The following TMPRSS15 variants were observed in gnomAD, a reference collection of about 807,000 sequenced individuals.
TMPRSS15 encodes the protein transmembrane serine protease 15, also known as enteropeptidase.
Under a neutral mutation model 125.3 loss-of-function variants are expected in TMPRSS15, and 128 were observed. That is an observed-to-expected ratio of 1.02 (90% CI 0.89 to 1.18). The LOEUF (loss-of-function observed/expected upper bound fraction) is 1.18, where lower values mean the gene tolerates loss of function less well. TMPRSS15 is among the 50% of genes most tolerant of loss of function. The pLI is 0.00. For synonymous variants in TMPRSS15, 446 were observed against 423.2 expected (o/e 1.05, Z -0.66); for missense variants, 1,283 against 1,212.7 (o/e 1.06, Z -0.86).
intron 1 of TMPRSS15, among the ~76,000 whole-genome samples, chr21:18,457,867 G>A (rs1978472316): frequency 6.6e-6 from 1 of 152,062 alleles, no homozygotes; most frequent in African/African-American, 2.4e-5. Flanking sequence ...AAATTCTGTG[G>A]CCTGAGCACT....
intron 8 of TMPRSS15, among the ~76,000 whole-genome samples, chr21:18,358,403 T>C (rs1450935389): frequency 1.3e-5 from 2 of 152,016 alleles, no homozygotes; most frequent in East Asian, 3.9e-4. Context: ...AATGTCACAT[T>C]AGTCTTTGGA....
intron 4 of TMPRSS15, among the ~76,000 whole-genome samples, chr21:18,382,365 C>G (rs6517811): frequency 0.99 from 150,327 of 152,262 alleles, 74,230 homozygotes; most frequent in Middle Eastern, 1. Flanking sequence ...CTGTGACATG[C>G]GTCCAAACCA....
intron 3 of TMPRSS15, among the ~76,000 whole-genome samples, chr21:18,397,310 T>C (rs2123121220): frequency 6.6e-6 from 1 of 152,270 alleles, no homozygotes; most frequent in South Asian, 2.1e-4. Context: ...CAAAAGCTAA[T>C]TGTTTAGAAA....
upstream of TMPRSS15, among the ~76,000 whole-genome samples, chr21:18,405,582 A>AT (rs1209612104): frequency 6.6e-6 from 1 of 152,152 alleles, no homozygotes; most frequent in Non-Finnish European, 1.5e-5. Context: ...TTAAGTGCCC[A>AT]TAAGTGTGAT....
At position 18,352,895 on chromosome 21, in the gene TMPRSS15, A is replaced by T. The variant is rs375053347; in HGVS notation, c.1171+8T>A. The T allele has an allele frequency of 1.9e-6, 3 of 1,611,670 alleles. No homozygotes were observed. The African/African-American group carries it at 4.0e-5, about 22-fold the overall frequency. On this transcript the variant is annotated splice_region_variant and intron_variant, in intron 10 of 24. Coordinates refer to ENST00000284885, the MANE Select transcript of TMPRSS15 (RefSeq NM_002772.3). ...ATCCTTTTGACTTCTGAATTAAATGAATTATACCTGAAGCATTGCCAAAAG... is the reference window on the plus strand; with the variant it reads ...ATCCTTTTGACTTCTGAATTAAATGTATTATACCTGAAGCATTGCCAAAAG...
At chr21:18,461,127 C>A (rs1978543399) in intron 1 of TMPRSS15, among the ~76,000 whole-genome samples, 1 of 152,102 alleles carries the variant, frequency 6.6e-6, no homozygotes, top group South Asian at 2.1e-4. Flanking sequence ...CTGACAGTAT[C>A]AAGGAACTGA....
intron 18 of TMPRSS15, among the ~76,000 whole-genome samples, chr21:18,302,390 T>TAA (rs2074982699): frequency 6.6e-6 from 1 of 152,142 alleles, no homozygotes; most frequent in African/African-American, 2.4e-5. Context: ...ACTAGGAAAG[T>TAA]AAAGGCATGT....
chr21:18,433,795 C>T (rs943776523), intron 1 of TMPRSS15, among the ~76,000 whole-genome samples: 1 of 151,194 alleles, frequency 6.6e-6, no homozygotes. Flanking sequence ...TATACATTTT[C>T]CTAAAATGTT....
intron 10 of TMPRSS15, among the ~76,000 whole-genome samples, chr21:18,346,463 G>A (rs919185179): frequency 2.0e-5 from 3 of 152,086 alleles, no homozygotes; most frequent in Admixed American, 6.5e-5. Context: ...ATATTTGTTA[G>A]CTCTACAGAA....
intron 1 of TMPRSS15, among the ~76,000 whole-genome samples, chr21:18,475,805 A>G (rs890386886): frequency 3.3e-5 from 5 of 152,226 alleles, no homozygotes; most frequent in Middle Eastern, 3.2e-3. Flanking sequence ...TAGTACAAAC[A>G]AGGGAGCAAT....
intron 21 of TMPRSS15, among the ~76,000 whole-genome samples, chr21:18,288,141 A>G (rs1416917636): frequency 1.3e-5 from 2 of 152,236 alleles, no homozygotes; most frequent in Non-Finnish European, 2.9e-5. Flanking sequence ...GCAATGAAAT[A>G]CTATTCAGCC....
At chr21:18,381,563 T>A (rs916837500) in intron 4 of TMPRSS15, among the ~76,000 whole-genome samples, 1 of 152,134 alleles carries the variant, frequency 6.6e-6, no homozygotes, top group Non-Finnish European at 1.5e-5. Context: ...AACTTCTACT[T>A]GTTGAGAATA....
intron 1 of TMPRSS15, among the ~76,000 whole-genome samples, chr21:18,437,180 A>C (rs2076229839): frequency 1.3e-5 from 2 of 150,774 alleles, no homozygotes; most frequent in Non-Finnish European, 3.0e-5. Flanking sequence ...GCATATCTAC[A>C]ACTATCTGAT....
At chr21:18,276,602 T>C (rs1357661640) in intron 23 of TMPRSS15, among the ~76,000 whole-genome samples, 1 of 152,146 alleles carries the variant, frequency 6.6e-6, no homozygotes, top group Non-Finnish European at 1.5e-5. Flanking sequence ...GATAAAACTG[T>C]TTGGTAAAGG....
intron 1 of TMPRSS15, among the ~76,000 whole-genome samples, chr21:18,469,665 T>C (rs1214758824): frequency 6.6e-6 from 1 of 152,030 alleles, no homozygotes; most frequent in South Asian, 2.1e-4. Flanking sequence ...TAGATTTTAG[T>C]GGGGAGTTAA....
intron 21 of TMPRSS15, among the ~76,000 whole-genome samples, chr21:18,292,641 G>C (rs1017577452): frequency 1.3e-5 from 2 of 152,194 alleles, no homozygotes; most frequent in Non-Finnish European, 2.9e-5. Context: ...ACAGGAATTT[G>C]CCAAATTCAA....
intron 3 of TMPRSS15, among the ~76,000 whole-genome samples, chr21:18,396,906 TG>T (rs2076046852): frequency 6.6e-6 from 1 of 152,002 alleles, no homozygotes. Context: ...GTTTCCTTTT[TG>T]CCAGCTTGTC....
At chr21:18,408,404 C>T (rs1381881589), upstream of TMPRSS15, among the ~76,000 whole-genome samples, 2 of 152,020 alleles carry the variant, frequency 1.3e-5, no homozygotes, top group Non-Finnish European at 2.9e-5. Flanking sequence ...TTTTTAGAAA[C>T]TAATATAAAA....
chr21:18,413,933 T>TA (rs934198283), intron 1 of TMPRSS15, among the ~76,000 whole-genome samples: 6 of 152,210 alleles, frequency 3.9e-5, no homozygotes, highest in Non-Finnish European at 5.9e-5. Flanking sequence ...ATAATGCACT[T>TA]AAAAAAATAA....
Sources: allele counts gnomAD v4.1 joint callset (sites outside exome capture counted in the v4.1 genomes callset), GRCh38; gene constraint gnomAD v4.1.1; transcripts MANE v1.5; gene names NCBI Gene and HGNC (gene_info 2026-07-23, HGNC 2026-07-21).